RAD51B: variants seen among roughly 807,000 people sequenced by gnomAD.
RAD51B encodes the protein DNA repair protein RAD51 homolog 2.
In RAD51B, 38 loss-of-function variants were observed where a neutral mutation model predicts 42.2. The observed-to-expected ratio is 0.90, with a 90% CI of 0.70 to 1.18. RAD51B has a LOEUF of 1.18. Ranked by LOEUF, RAD51B falls within the 50% of genes most tolerant of loss-of-function variation. The probability of loss-of-function intolerance (pLI) is 0.00; values close to 1 mark genes in which losing one functional copy is unlikely to be tolerated. For missense variants in RAD51B, 373 were observed against 400.7 expected, an observed-to-expected ratio of 0.93 and a Z score of 0.59; for synonymous variants, 154 against 145.2, an observed-to-expected ratio of 1.06 and a Z score of -0.43.
intron 7 of RAD51B, among the ~76,000 whole-genome samples, chr14:68,285,170 T>C (rs1254132681): frequency 6.6e-6 from 1 of 152,196 alleles, no homozygotes; most frequent in Non-Finnish European, 1.5e-5. Context: ...TCAATGGACC[T>C]GAACAATTTC....
intron 11 of RAD51B, among the ~76,000 whole-genome samples, chr14:68,654,874 C>A (rs540308773): frequency 6.6e-6 from 1 of 152,324 alleles, no homozygotes; most frequent in South Asian, 2.1e-4. Context: ...TGCTCCCCAG[C>A]CCAATGGAAA....
At chr14:67,891,232 A>C (rs182989777) in intron 7 of RAD51B, among the ~76,000 whole-genome samples, 36 of 152,246 alleles carry the variant, frequency 2.4e-4, no homozygotes, top group Middle Eastern at 3.4e-3. Context: ...TATGGAGATA[A>C]ATTTGGATAT....
At chr14:68,161,807 C>G (rs566644830) in intron 7 of RAD51B, among the ~76,000 whole-genome samples, 1 of 152,292 alleles carries the variant, frequency 6.6e-6, no homozygotes, top group East Asian at 1.9e-4. Context: ...CATGCTTCTT[C>G]CTCCTTCTCC....
At chr14:68,000,441 C>G (rs1489658023) in intron 7 of RAD51B, 1 of 152,158 alleles carries the variant, frequency 6.6e-6, no homozygotes, top group Non-Finnish European at 1.5e-5. Context: ...AGTACAAATA[C>G]TGTCAAGGGT....
chr14:68,667,423 G>A (rs1219068257), intron 11 of RAD51B, among the ~76,000 whole-genome samples: 1 of 127,712 alleles, frequency 7.8e-6, no homozygotes, highest in Non-Finnish European at 1.8e-5. Flanking sequence ...AAAGTCAGCT[G>A]GTTGTAAATG....
intron 10 of RAD51B, chr14:68,562,977 C>T (rs1427278438): frequency 5.5e-5 from 54 of 985,304 alleles, no homozygotes; most frequent in Non-Finnish European, 6.3e-5. Flanking sequence ...ACGGAAGGCC[C>T]GGGCTGCTGC....
At chr14:68,235,317 T>C (rs1267637349) in intron 7 of RAD51B, among the ~76,000 whole-genome samples, 2 of 151,790 alleles carry the variant, frequency 1.3e-5, no homozygotes, top group Non-Finnish European at 2.9e-5. Flanking sequence ...AGCACATAAC[T>C]GTACTTGAAG....
intron 7 of RAD51B, among the ~76,000 whole-genome samples, chr14:68,075,392 C>T (rs1375615074): frequency 6.6e-6 from 1 of 152,158 alleles, no homozygotes; most frequent in Non-Finnish European, 1.5e-5. Flanking sequence ...GGGAGCTCCA[C>T]CCCAGAAAAA....
At chr14:68,533,989 GA>G (rs1306353632) in intron 10 of RAD51B, among the ~76,000 whole-genome samples, 1 of 152,094 alleles carries the variant, frequency 6.6e-6, no homozygotes, top group Non-Finnish European at 1.5e-5. Flanking sequence ...CATGGGTAAA[GA>G]GAAAACAAGG....
chr14:68,062,125 C>T (rs778361490), intron 7 of RAD51B, among the ~76,000 whole-genome samples: 15 of 152,134 alleles, frequency 9.9e-5, no homozygotes, highest in Non-Finnish European at 1.6e-4. Flanking sequence ...TGAATTTTAT[C>T]AAATGCTTTT....
intron 7 of RAD51B, among the ~76,000 whole-genome samples, chr14:68,169,801 A>G (rs1043599744): frequency 2.6e-5 from 4 of 152,198 alleles, no homozygotes; most frequent in Non-Finnish European, 5.9e-5. Flanking sequence ...GTTCTAATAT[A>G]TATAGCAGAG....
At chr14:68,512,283 C>A (rs1235392448) in intron 10 of RAD51B, among the ~76,000 whole-genome samples, 1 of 152,224 alleles carries the variant, frequency 6.6e-6, no homozygotes, top group Admixed American at 6.5e-5. Context: ...TGAGTGAGGG[C>A]TGGCGGGAAC....
chr14:68,251,200 TA>T (rs576162341), intron 7 of RAD51B, among the ~76,000 whole-genome samples: 4,436 of 145,774 alleles, frequency 0.03, 130 homozygotes, highest in African/African-American at 0.081. Flanking sequence ...AAGGAGGAAT[TA>T]AAAAAAAAAA....
chr14:68,187,120 C>T (rs949737918), intron 7 of RAD51B, among the ~76,000 whole-genome samples: 6 of 152,122 alleles, frequency 3.9e-5, no homozygotes, highest in Non-Finnish European at 5.9e-5. Context: ...AACCAAATAC[C>T]GCACATTCTC....
chr14:68,262,138 T>A (rs1325834516), intron 7 of RAD51B, among the ~76,000 whole-genome samples: 1 of 152,146 alleles, frequency 6.6e-6, no homozygotes, highest in Non-Finnish European at 1.5e-5. Context: ...TGTTGCAGCA[T>A]GTGTGTGTGT....
intron 7 of RAD51B, among the ~76,000 whole-genome samples, chr14:68,198,376 G>A (rs1036271506): frequency 4.6e-5 from 7 of 152,138 alleles, no homozygotes. Flanking sequence ...GGTAGTGCGA[G>A]TTCTCTGACT....
chr14:68,398,805 A>G (rs2140040631), intron 8 of RAD51B, among the ~76,000 whole-genome samples: 1 of 152,346 alleles, frequency 6.6e-6, no homozygotes, highest in Non-Finnish European at 1.5e-5. Flanking sequence ...GAGATTTTCT[A>G]ATACAAATGC....
At chr14:68,376,617 G>A (rs981700909) in intron 8 of RAD51B, among the ~76,000 whole-genome samples, 1 of 152,088 alleles carries the variant, frequency 6.6e-6, no homozygotes, top group African/African-American at 2.4e-5. Context: ...CAAGTGGGGT[G>A]ACTTGTACCG....
chr14:68,657,245 CCA>C (rs1892835549), intron 11 of RAD51B, among the ~76,000 whole-genome samples: 1 of 152,134 alleles, frequency 6.6e-6, no homozygotes, highest in Non-Finnish European at 1.5e-5. Flanking sequence ...GGCTTTGGAG[CCA>C]CAGAGATCTA....
Sources: gnomAD v4.1 joint callset for allele counts (sites outside exome capture counted in the v4.1 genomes callset) on GRCh38, gnomAD v4.1.1 for gene constraint, MANE v1.5 for transcripts, NCBI Gene and HGNC (gene_info 2026-07-23, HGNC 2026-07-21) for gene names.